RPTOR: variants seen among roughly 807,000 people sequenced by gnomAD.
The protein encoded by RPTOR is regulatory associated protein of MTOR complex 1.
Under a neutral mutation model 169.9 loss-of-function variants are expected in RPTOR, and 21 were observed. The observed-to-expected ratio is 0.12, with a 90% CI of 0.09 to 0.18. RPTOR has a LOEUF of 0.18. RPTOR is among the 10% of genes least tolerant of loss of function. The probability of loss-of-function intolerance (pLI) is 1.00; values close to 1 mark genes in which losing one functional copy is unlikely to be tolerated. For missense variants in RPTOR, 1,133 were observed against 1,855.9 expected (o/e 0.61, Z 7.16); for synonymous variants, 732 against 753.2 (o/e 0.97, Z 0.46).
At chr17:80,672,744 C>T (rs1028718374) in intron 3 of RPTOR, among the ~76,000 whole-genome samples, 2 of 151,954 alleles carry the variant, frequency 1.3e-5, no homozygotes, top group South Asian at 4.2e-4. Context: ...GAGCCGAGAT[C>T]GCGTCACTGC....
At chr17:80,619,115 C>T (rs796825246) in intron 1 of RPTOR, among the ~76,000 whole-genome samples, 3 of 152,172 alleles carry the variant, frequency 2.0e-5, no homozygotes, top group East Asian at 3.9e-4. Context: ...TGAGCGCTCC[C>T]GGGAATTGGG....
intron 3 of RPTOR, among the ~76,000 whole-genome samples, chr17:80,701,043 G>T (rs2066096574): frequency 6.6e-6 from 1 of 152,120 alleles, no homozygotes; most frequent in African/African-American, 2.4e-5. Flanking sequence ...GTCCAGCTGG[G>T]TGATTCTCAG....
intron 13 of RPTOR, among the ~76,000 whole-genome samples, chr17:80,858,726 G>A (rs973651700): frequency 1.3e-5 from 2 of 152,136 alleles, no homozygotes; most frequent in Non-Finnish European, 2.9e-5. Context: ...ATGTCGGGCG[G>A]GGGTCCAAAC....
chr17:80,946,075 G>T (rs1418542442), intron 26 of RPTOR, among the ~76,000 whole-genome samples: 4 of 152,134 alleles, frequency 2.6e-5, no homozygotes, highest in Non-Finnish European at 4.4e-5. Flanking sequence ...TGTAATAGAG[G>T]CGTACACAGG....
chr17:80,957,552 C>T lies in RPTOR; in HGVS notation c.3371-72C>T. The T allele has an allele frequency of 1.4e-6, 2 of 1,428,104 alleles. No homozygotes were observed. The highest frequency in any genetic ancestry group is 2.3e-5 in the East Asian group (1 of 43,802). The allele number at this position is 1,428,104 out of a possible 1,614,324, so 88.5% of individuals were successfully genotyped here. On this transcript the variant is annotated intron_variant, in intron 28 of 33. Transcript: ENST00000306801. The surrounding 1 kb of genome is among the most constrained non-coding windows in gnomAD (Gnocchi z 4.6). ...TGTAGCTGCTGGCCAAATTGCTGCC[C>T]AGAGCAGGCCCCAAAGCCTGCCCAA...
chr17:80,796,430 C>A (rs2067101952), intron 7 of RPTOR, among the ~76,000 whole-genome samples: 1 of 152,104 alleles, frequency 6.6e-6, no homozygotes, highest in African/African-American at 2.4e-5. Context: ...ACAGTCATGG[C>A]AGAAAGGGAA....
chr17:80,716,370 C>T (rs567111161), intron 4 of RPTOR, among the ~76,000 whole-genome samples: 18 of 152,208 alleles, frequency 1.2e-4, no homozygotes, highest in African/African-American at 1.7e-4. Flanking sequence ...TGTATATCTT[C>T]TTCTGATAAT....
At chr17:80,737,500 C>T (rs2066443285) in intron 5 of RPTOR, among the ~76,000 whole-genome samples, 2 of 152,212 alleles carry the variant, frequency 1.3e-5, no homozygotes, top group Non-Finnish European at 1.5e-5. Context: ...ACAGGTGAGA[C>T]GCCGGCTGTC....
In RPTOR at chr17:80,935,682, G is replaced by A. The variant is rs569769519; in HGVS notation, c.2920-4814G>A. ...CAAAAAAAATAAAAAGAAGAACCTCGATCAGTACTTCACACCTTATACAAC... is the reference window on the plus strand; with the variant it reads ...CAAAAAAAATAAAAAGAAGAACCTCAATCAGTACTTCACACCTTATACAAC... On this transcript the variant is annotated intron_variant, in intron 24 of 33. Coordinates refer to ENST00000306801, the MANE Select transcript of RPTOR (RefSeq NM_020761.3). 7.2e-5 allele frequency among the ~76,000 whole-genome samples: 11 copies of A among 152,124 alleles called. No homozygotes were observed. The South Asian group carries it at 1.7e-3, about 23-fold the overall frequency.
chr17:80,621,680 A>C (rs2065355874), intron 1 of RPTOR, among the ~76,000 whole-genome samples: 1 of 152,216 alleles, frequency 6.6e-6, no homozygotes, highest in Non-Finnish European at 1.5e-5. Context: ...GATGAAGTGG[A>C]CTGTGCGTCT....
In RPTOR at chr17:80,754,330, C is replaced by A; in HGVS notation, c.830+145C>A. On this transcript the variant is annotated intron_variant, in intron 6 of 33. Transcript: ENST00000306801. This position sits in a 1 kb window ranked among gnomAD's most constrained non-coding sequence, Gnocchi z 4.2. ...GTCCCCGCCTTCTTTTTGTGTCATT[C>A]GGGATTCCAGGTGGAGGTTTGGGTT... The A allele has an allele frequency of 3.7e-6, 3 of 813,600 alleles. No individual in the cohort carries two copies. Among genetic ancestry groups the A allele is most frequent in the South Asian group, 3.7e-5 (2 of 53,914 alleles). The allele number at this position is 813,600 out of a possible 1,614,324, so 50.4% of individuals were successfully genotyped here. A position where few individuals can be genotyped will look rare whatever the true frequency, so the allele number is the denominator to read the frequency against.
chr17:80,791,746 T>A (rs144195109), intron 7 of RPTOR, among the ~76,000 whole-genome samples: 162 of 152,322 alleles, frequency 1.1e-3, no homozygotes, highest in African/African-American at 3.8e-3. Flanking sequence ...GCTGAATTCC[T>A]TTGAACATTT....
chr17:80,867,499 A>G (rs1200145699), intron 13 of RPTOR, among the ~76,000 whole-genome samples: 2 of 152,246 alleles, frequency 1.3e-5, no homozygotes, highest in Non-Finnish European at 2.9e-5. Context: ...TGTTCTTGTC[A>G]CATCCCTTGA....
At chr17:80,841,144 AC>A (rs2067643458) in intron 10 of RPTOR, among the ~76,000 whole-genome samples, 2 of 109,490 alleles carry the variant, frequency 1.8e-5, no homozygotes, top group Non-Finnish European at 1.7e-5. Context: ...ACGGCAGCTC[AC>A]TCTCACCGCA....
Position 80,583,196 on chromosome 17 carries a change from T to TGTTTTTTTTTG in RPTOR, c.162+37405_162+37406insGTTTTTTTTTG, listed in dbSNP as rs551998784. Reference sequence around the variant, plus strand: ...GCCTCTTTCCTGTTTTTTTTTTTTTTTTTTTTTTTTGAGACAGAGTCTTGC... The same window carrying TGTTTTTTTTTG: ...GCCTCTTTCCTGTTTTTTTTTTTTTTGTTTTTTTTTGTTTTTTTTTTGAGACAGAGTCTTGC... On this transcript the variant is annotated intron_variant, in intron 1 of 33. Transcript: ENST00000306801. Among the ~76,000 whole-genome samples, 418 of 137,448 alleles carry TGTTTTTTTTTG rather than the reference T, an allele frequency of 3.0e-3. 6 individuals carry two copies. The highest frequency in any genetic ancestry group is 5.3e-3 in the South Asian group (23 of 4,330). 90.2% of individuals were successfully genotyped at this position (137,448 alleles called of 152,430 possible). A position where few individuals can be genotyped will look rare whatever the true frequency, so the allele number is the denominator to read the frequency against.
intron 1 of RPTOR, among the ~76,000 whole-genome samples, chr17:80,558,628 G>C (rs1816131229): frequency 6.6e-6 from 1 of 152,146 alleles, no homozygotes; most frequent in African/African-American, 2.4e-5. Flanking sequence ...TACATATTCA[G>C]ACTGAGCTGG....
At chr17:80,846,403 G>T in intron 10 of RPTOR, 70 bp from the exon 11 acceptor site, 1 of 1,461,786 alleles carries the variant, frequency 6.8e-7, no homozygotes, top group Non-Finnish European at 9.5e-7. Flanking sequence ...CCGGCAGGTG[G>T]CAGGGGTGGG....
intron 1 of RPTOR, among the ~76,000 whole-genome samples, chr17:80,596,103 C>A (rs1418742317): frequency 6.6e-6 from 1 of 152,172 alleles, no homozygotes; most frequent in Non-Finnish European, 1.5e-5. Context: ...AAAACATGGT[C>A]CTCCAGAAGC....
intron 6 of RPTOR, among the ~76,000 whole-genome samples, chr17:80,781,672 T>A (rs1567908512): frequency 6.6e-6 from 1 of 152,256 alleles, no homozygotes; most frequent in Non-Finnish European, 1.5e-5. Context: ...TACACTGGGC[T>A]TGGATCGCCC....
Sources: allele counts gnomAD v4.1 joint callset (sites outside exome capture counted in the v4.1 genomes callset), GRCh38; gene constraint gnomAD v4.1.1; non-coding constraint Gnocchi (gnomAD v3.1); transcripts MANE v1.5; gene names NCBI Gene and HGNC (gene_info 2026-07-23, HGNC 2026-07-21).